Variants in PDE1C observed in about 807,000 individuals in gnomAD.
PDE1C encodes the protein dual specificity calcium/calmodulin-dependent 3',5'-cyclic nucleotide phosphodiesterase 1C.
PDE1C carries 62 observed loss-of-function variants against 93.1 expected under a neutral mutation model. The observed-to-expected ratio is 0.67, with a 90% CI of 0.54 to 0.82. The LOEUF is 0.82. Among genes scored for constraint, PDE1C ranks in the 40% least tolerant of loss-of-function variants. The pLI is 0.00. For synonymous variants in PDE1C, 325 were observed against 310.1 expected, an observed-to-expected ratio of 1.05 and a Z score of -0.50; for missense variants, 742 against 884.6, an observed-to-expected ratio of 0.84 and a Z score of 2.04.
intron 3 of PDE1C, among the ~76,000 whole-genome samples, chr7:32,157,220 C>G (rs1231079040): frequency 1.3e-5 from 2 of 152,142 alleles, no homozygotes; most frequent in East Asian, 3.8e-4. Context: ...CTCTTCAACC[C>G]CCCTCCCTAT....
At chr7:32,141,088 A>G (rs960410132) in intron 3 of PDE1C, among the ~76,000 whole-genome samples, 2 of 152,234 alleles carry the variant, frequency 1.3e-5, no homozygotes, top group African/African-American at 4.8e-5. Context: ...GGGAAGCAAA[A>G]AGAATAGGAT....
the PDE1C span, among the ~76,000 whole-genome samples, chr7:31,669,307 G>A: frequency 2.6e-5 from 4 of 151,912 alleles, no homozygotes; most frequent in African/African-American, 4.8e-5. Context: ...AACAGTTCTC[G>A]TGAGCCATCC....
intron 1 of PDE1C, among the ~76,000 whole-genome samples, chr7:32,343,445 ACCAAAGG>A (rs1183107419): frequency 6.6e-6 from 1 of 152,180 alleles, no homozygotes; most frequent in African/African-American, 2.4e-5. Flanking sequence ...GATACAAAAC[ACCAAAGG>A]TGAGCCCAGC....
chr7:32,216,050 G>C (rs1466509538), intron 1 of PDE1C, among the ~76,000 whole-genome samples: 1 of 152,200 alleles, frequency 6.6e-6, no homozygotes, highest in Admixed American at 6.5e-5. Flanking sequence ...GAGGTTCCAG[G>C]CACTTTCACT....
intron 5 of PDE1C, among the ~76,000 whole-genome samples, chr7:31,873,812 A>G (rs897729342): frequency 1.3e-5 from 2 of 152,198 alleles, no homozygotes; most frequent in African/African-American, 4.8e-5. Context: ...GCCAGAACAC[A>G]AACATAGGTT....
the PDE1C span, among the ~76,000 whole-genome samples, chr7:31,738,464 A>T: frequency 6.6e-6 from 1 of 152,200 alleles, no homozygotes; most frequent in East Asian, 1.9e-4. Context: ...GAACAGTATA[A>T]GGGAAACTGC....
intron 2 of PDE1C, among the ~76,000 whole-genome samples, chr7:32,177,459 GTC>G (rs1224411697): frequency 6.6e-6 from 1 of 152,092 alleles, no homozygotes; most frequent in Admixed American, 6.5e-5. Flanking sequence ...ATATGTCTGA[GTC>G]ACCTTGCCCC....
chr7:31,771,019 C>A (rs1409791221), intron 17 of PDE1C, among the ~76,000 whole-genome samples: 2 of 152,094 alleles, frequency 1.3e-5, no homozygotes, highest in Non-Finnish European at 2.9e-5. Flanking sequence ...AGATTTTGAA[C>A]CACTTCTTTT....
intron 2 of PDE1C, among the ~76,000 whole-genome samples, chr7:31,957,710 C>T (rs1808333919): frequency 6.6e-6 from 1 of 152,122 alleles, no homozygotes; most frequent in Non-Finnish European, 1.5e-5. Context: ...TCCTGAGTAG[C>T]TTAGCAGAAA....
At chr7:32,090,112 T>A (rs1376276462) in intron 3 of PDE1C, among the ~76,000 whole-genome samples, 1 of 152,156 alleles carries the variant, frequency 6.6e-6, no homozygotes, top group Non-Finnish European at 1.5e-5. Context: ...GGAGCTTGGA[T>A]TAAATACTAC....
intron 3 of PDE1C, among the ~76,000 whole-genome samples, chr7:32,112,253 C>T (rs1047094455): frequency 3.3e-5 from 5 of 152,000 alleles, no homozygotes; most frequent in Non-Finnish European, 5.9e-5. Context: ...CTCCTGCTTC[C>T]TTATTTTCCT....
At chr7:32,120,465 G>A (rs73320359) in intron 3 of PDE1C, among the ~76,000 whole-genome samples, 14,688 of 152,050 alleles carry the variant, frequency 0.097, 1,902 homozygotes, top group African/African-American at 0.29. Flanking sequence ...CACCCTATAC[G>A]AGCATTCCTA....
chr7:31,659,587 G>C, the PDE1C span, among the ~76,000 whole-genome samples: 1 of 152,174 alleles, frequency 6.6e-6, no homozygotes, highest in Admixed American at 6.6e-5. Context: ...TTTTGTTTCA[G>C]AAAACAATTC....
chr7:31,747,296 T>G (rs947005681), downstream of PDE1C, among the ~76,000 whole-genome samples: 1 of 152,218 alleles, frequency 6.6e-6, no homozygotes, highest in Non-Finnish European at 1.5e-5. Flanking sequence ...CTGCAAACTT[T>G]CTGAAAAATT....
the PDE1C span, among the ~76,000 whole-genome samples, chr7:31,675,590 C>T: frequency 2.0e-5 from 3 of 151,948 alleles, no homozygotes; most frequent in Non-Finnish European, 4.4e-5. Flanking sequence ...GACTGATACA[C>T]ACAACTGCAA....
chr7:31,622,189 A>C, the PDE1C span, among the ~76,000 whole-genome samples: 10 of 135,236 alleles, frequency 7.4e-5, no homozygotes, highest in African/African-American at 2.5e-4. Context: ...AACATTAGAC[A>C]GATCAACGAG....
At chr7:32,039,282 A>G (rs541122477) in intron 2 of PDE1C, among the ~76,000 whole-genome samples, 1 of 152,120 alleles carries the variant, frequency 6.6e-6, no homozygotes, top group South Asian at 2.1e-4. Context: ...AGTTACTAAA[A>G]TTATCCAAAA....
chr7:31,728,532 C>G, the PDE1C span, among the ~76,000 whole-genome samples: 2 of 152,328 alleles, frequency 1.3e-5, no homozygotes, highest in South Asian at 4.1e-4. Context: ...AGCCAGTTTT[C>G]TATTCCTAAG....
At chr7:32,245,665 T>A (rs1808875102) in intron 1 of PDE1C, among the ~76,000 whole-genome samples, 2 of 152,148 alleles carry the variant, frequency 1.3e-5, no homozygotes, top group African/African-American at 4.8e-5. Context: ...TAACATAAAC[T>A]AGGTGTCTCA....
Sources: gnomAD v4.1 joint callset for allele counts (sites outside exome capture counted in the v4.1 genomes callset) on GRCh38, gnomAD v4.1.1 for gene constraint, MANE v1.5 for transcripts, NCBI Gene and HGNC (gene_info 2026-07-23, HGNC 2026-07-21) for gene names.